Variants in DNAH12 observed in about 807,000 individuals in gnomAD.
DNAH12 encodes dynein axonemal heavy chain 12.
Under a neutral mutation model 371.5 loss-of-function variants are expected in DNAH12, and 285 were observed. The ratio of observed to expected loss-of-function variants is 0.77; its 90% CI spans 0.70 to 0.85. The LOEUF (loss-of-function observed/expected upper bound fraction) is 0.85, where lower values mean the gene tolerates loss of function less well. Ranked by LOEUF, DNAH12 falls within the 40% of genes least tolerant of loss-of-function variation. The probability of loss-of-function intolerance (pLI) is 0.00; values close to 1 mark genes in which losing one functional copy is unlikely to be tolerated. For synonymous variants in DNAH12, 1,200 were observed against 1,213.0 expected, an observed-to-expected ratio of 0.99 and a Z score of 0.22; for missense variants, 3,611 against 3,689.4, an observed-to-expected ratio of 0.98 and a Z score of 0.55.
chr3:57,406,409 G>T (rs1200758878), intron 40 of DNAH12, among the ~76,000 whole-genome samples: 1 of 149,428 alleles, frequency 6.7e-6, no homozygotes, highest in African/African-American at 2.5e-5. Context: ...AAATTGCATA[G>T]TACTAAGCTT....
intron 43 of DNAH12, among the ~76,000 whole-genome samples, chr3:57,401,183 A>C (rs1341390486): frequency 6.6e-6 from 1 of 152,058 alleles, no homozygotes; most frequent in Non-Finnish European, 1.5e-5. Context: ...AAACAAAAAC[A>C]AACAAACCAA....
intron 68 of DNAH12, 90 bp from the exon 69 acceptor site, chr3:57,309,344 G>T (rs2107675554): frequency 9.8e-7 from 1 of 1,024,152 alleles, no homozygotes; most frequent in Non-Finnish European, 1.4e-6. Flanking sequence ...CTAATACTAG[G>T]GTGTATATGT....
At position 57,507,799 on chromosome 3, in the gene DNAH12, A is replaced by G. The variant is rs774552754; in HGVS notation, c.741T>C (p.Asp247=). ...GPIDCESLKT[D]LSIQTRNAEE... ...CTGCGTTTCTAGTTTGTATTGATAG[A>G]TCAGTTTTCAGTGATTCACAGTCAA... The change falls in exon 8 of 74, where the codon GAT becomes GAC. Residue 247 remains aspartate (D), a synonymous_variant. Coordinates refer to ENST00000495027, the MANE Select transcript of DNAH12 (RefSeq NM_001366028.2). The G allele has an allele frequency of 1.9e-6, 3 of 1,595,404 alleles. No homozygotes were observed. The highest frequency in any genetic ancestry group is 2.3e-5 in the East Asian group (1 of 44,218).
chr3:57,469,268 A>G (rs1007614708), intron 16 of DNAH12, among the ~76,000 whole-genome samples: 5 of 152,210 alleles, frequency 3.3e-5, no homozygotes, highest in Admixed American at 6.5e-5. Flanking sequence ...TCAAACCACA[A>G]TGAGAGACCA....
intron 55 of DNAH12, among the ~76,000 whole-genome samples, chr3:57,372,753 T>C (rs2063201980): frequency 6.6e-6 from 1 of 151,164 alleles, no homozygotes; most frequent in African/African-American, 2.4e-5. Context: ...AAAAAACAAA[T>C]TCAGTTAATC....
intron 32 of DNAH12, 98 bp from the exon 33 acceptor site, chr3:57,429,872 T>A: frequency 2.0e-6 from 2 of 987,800 alleles, no homozygotes; most frequent in Non-Finnish European, 2.9e-6. Context: ...TCCTGTGATA[T>A]AATGGAATAA....
intron 4 of DNAH12, chr3:57,520,077 G>GAGC: frequency 8.6e-6 from 5 of 581,302 alleles, no homozygotes; most frequent in Admixed American, 3.0e-5. Context: ...CGGCTCTGTG[G>GAGC]CTACAGCGTT....
chr3:57,542,155 T>TGGGG (rs35978339), intron 2 of DNAH12, among the ~76,000 whole-genome samples: 3 of 82,332 alleles, frequency 3.6e-5, no homozygotes, highest in African/African-American at 2.2e-4. Flanking sequence ...TCCACTAAAC[T>TGGGG]GGGGGGGGGG....
intron 62 of DNAH12, among the ~76,000 whole-genome samples, chr3:57,329,397 A>G (rs199607847): frequency 2.1e-4 from 26 of 122,362 alleles, no homozygotes; most frequent in East Asian, 1.0e-3. Flanking sequence ...GAGCCCTCAG[A>G]AATAACGCCA....
In DNAH12 at chr3:57,412,470, T is replaced by G. The variant is rs1523112; in HGVS notation, c.6020+1276A>C. Among the ~76,000 whole-genome samples the G allele has an allele frequency of 5.4e-3, 822 of 152,284 alleles. 4 individuals carry two copies. Among genetic ancestry groups the G allele is most frequent in the Non-Finnish European group, 7.5e-3 (509 of 68,016 alleles). On this transcript the variant is annotated intron_variant, in intron 39 of 73. Coordinates refer to ENST00000495027, the MANE Select transcript of DNAH12 (RefSeq NM_001366028.2). ...CTTCATTAAAATTAACAACTTCTGCTCTGCCAAAGACAATGTCAAGAGAAT... is the reference window on the plus strand; with the variant it reads ...CTTCATTAAAATTAACAACTTCTGCGCTGCCAAAGACAATGTCAAGAGAAT...
rs1306026599 is a variant in DNAH12 at position 57,382,411 on chromosome 3, AAAAC to A, written c.7861-22_7861-19del. ...TCGGCTGGCTAAAAGAAAAAAACAA[AAAAC>A]AAACAGGACATATTCAGAATAGTTT... On this transcript the variant is annotated intron_variant, in intron 49 of 73. Transcript: ENST00000495027. 2 of 152,222 alleles carry A rather than the reference AAAAC, an allele frequency of 1.3e-5. No homozygotes were observed. Among genetic ancestry groups the A allele is most frequent in the African/African-American group, 4.8e-5 (2 of 41,442 alleles). The allele number at this position is 152,222 out of a possible 1,614,324, so 9.4% of individuals were successfully genotyped here. A position where few individuals can be genotyped will look rare whatever the true frequency, so the allele number is the denominator to read the frequency against.
intron 69 of DNAH12, among the ~76,000 whole-genome samples, chr3:57,302,227 A>G (rs937387572): frequency 6.6e-6 from 1 of 152,162 alleles, no homozygotes; most frequent in African/African-American, 2.4e-5. Context: ...TTAAGCAGAC[A>G]ATGATTTAAG....
intron 38 of DNAH12, 122 bp from the exon 39 acceptor site, chr3:57,414,034 CCAGTAACAATTACTATTTGCT>C (rs1553683899): frequency 4.4e-6 from 4 of 916,848 alleles, no homozygotes. Context: ...GGGATTTTTA[CCAGTAACAATTACTATTTGCT>C]TAATTTATCA....
chr3:57,417,486 T>C (rs1002013279), intron 37 of DNAH12, among the ~76,000 whole-genome samples: 2 of 152,172 alleles, frequency 1.3e-5, no homozygotes, highest in African/African-American at 2.4e-5. Flanking sequence ...ATTAAAATAG[T>C]ATTAATAAAT....
intron 23 of DNAH12, among the ~76,000 whole-genome samples, chr3:57,454,292 C>A (rs2065840831): frequency 6.6e-6 from 1 of 151,932 alleles, no homozygotes; most frequent in Non-Finnish European, 1.5e-5. Flanking sequence ...ACCAGCCTGA[C>A]CAACATGGAT....
At chr3:57,365,098 C>T (rs1261473666) in intron 57 of DNAH12, among the ~76,000 whole-genome samples, 1 of 152,160 alleles carries the variant, frequency 6.6e-6, no homozygotes, top group Non-Finnish European at 1.5e-5. Context: ...ACACAGCAAT[C>T]CCATTACTGG....
At chr3:57,354,560 A>C (rs1307773783) in intron 59 of DNAH12, among the ~76,000 whole-genome samples, 2 of 151,898 alleles carry the variant, frequency 1.3e-5, no homozygotes, top group Middle Eastern at 3.4e-3. Context: ...GAAAAAAAAA[A>C]AGAAAAAAAA....
intron 57 of DNAH12, among the ~76,000 whole-genome samples, chr3:57,365,037 T>C (rs2063017623): frequency 1.3e-5 from 2 of 151,728 alleles, no homozygotes; most frequent in Non-Finnish European, 3.0e-5. Flanking sequence ...GTTTAACCAT[T>C]GAAGACAGTC....
chr3:57,485,548 C>T (rs536511087), intron 12 of DNAH12, among the ~76,000 whole-genome samples: 5 of 145,304 alleles, frequency 3.4e-5, no homozygotes, highest in East Asian at 3.9e-4. Context: ...ATTACAGGCG[C>T]GTGCCACCAC....
Sources: allele counts gnomAD v4.1 joint callset (sites outside exome capture counted in the v4.1 genomes callset), GRCh38; gene constraint gnomAD v4.1.1; transcripts MANE v1.5; gene names NCBI Gene and HGNC (gene_info 2026-07-23, HGNC 2026-07-21).